The following PPHLN1 variants were observed in gnomAD, a reference collection of about 807,000 sequenced individuals.
PPHLN1 encodes the protein periphilin 1.
In PPHLN1, 29 loss-of-function variants were observed where a neutral mutation model predicts 51.3. The ratio of observed to expected loss-of-function variants is 0.57; its 90% CI spans 0.42 to 0.77. The LOEUF (loss-of-function observed/expected upper bound fraction) is 0.77. Among genes scored for constraint, PPHLN1 ranks in the 30% least tolerant of loss-of-function variants. The pLI, the probability that PPHLN1 is intolerant of heterozygous loss-of-function variation, is 0.00. For synonymous variants in PPHLN1, 147 were observed against 147.8 expected (o/e 0.99, Z 0.04); for missense variants, 436 against 438.4 (o/e 0.99, Z 0.05).
intron 5 of PPHLN1, among the ~76,000 whole-genome samples, chr12:42,378,416 C>A (rs186325939): frequency 7.9e-5 from 12 of 151,968 alleles, no homozygotes; most frequent in African/African-American, 2.9e-4. Context: ...TATTGCAGCA[C>A]CTGGCTTTTT....
chr12:42,441,043 C>CCTA (rs2082904603), intron 9 of PPHLN1, among the ~76,000 whole-genome samples: 1 of 152,184 alleles, frequency 6.6e-6, no homozygotes, highest in African/African-American at 2.4e-5. Context: ...GAGTAGACTG[C>CCTA]CTTACACTGA....
At chr12:42,405,070 A>C (rs575091359) in intron 9 of PPHLN1, among the ~76,000 whole-genome samples, 1 of 152,160 alleles carries the variant, frequency 6.6e-6, no homozygotes, top group East Asian at 1.9e-4. Flanking sequence ...ATTTTGGGGG[A>C]CTTTGTGATT....
intron 5 of PPHLN1, among the ~76,000 whole-genome samples, chr12:42,382,838 A>G (rs995128903): frequency 6.6e-6 from 1 of 152,218 alleles, no homozygotes; most frequent in Non-Finnish European, 1.5e-5. Flanking sequence ...TTAAAGTGCT[A>G]TAGTAGAGGA....
At chr12:42,428,054 G>A (rs2081653993) in intron 9 of PPHLN1, among the ~76,000 whole-genome samples, 1 of 152,124 alleles carries the variant, frequency 6.6e-6, no homozygotes, top group Non-Finnish European at 1.5e-5. Context: ...AAACCACAAT[G>A]CAGTACCACC....
intron 9 of PPHLN1, among the ~76,000 whole-genome samples, chr12:42,412,409 CA>C (rs1402522446): frequency 1.3e-5 from 2 of 149,140 alleles, no homozygotes; most frequent in African/African-American, 5.0e-5. Flanking sequence ...AGAATTGCTC[CA>C]AAAGATATTA....
At chr12:42,384,871 A>C (rs2077060644) in intron 5 of PPHLN1, 69 bp from the exon 6 acceptor site, 3 of 1,439,254 alleles carry the variant, frequency 2.1e-6, no homozygotes, top group Non-Finnish European at 2.9e-6. Flanking sequence ...CCTACTTCTG[A>C]GTTCTTCTCT....
intron 1 of PPHLN1, among the ~76,000 whole-genome samples, chr12:42,334,839 T>G (rs1189081515): frequency 6.6e-6 from 1 of 152,222 alleles, no homozygotes; most frequent in Non-Finnish European, 1.5e-5. Context: ...CTCCAGAAGT[T>G]GTGAAGCTAC....
At chr12:42,345,976 T>C (rs2072256862) in intron 2 of PPHLN1, among the ~76,000 whole-genome samples, 1 of 152,154 alleles carries the variant, frequency 6.6e-6, no homozygotes, top group Non-Finnish European at 1.5e-5. Flanking sequence ...CATGATGTTA[T>C]GGGATACATA....
chr12:42,406,780 T>G (rs1476783202), intron 9 of PPHLN1, among the ~76,000 whole-genome samples: 1 of 152,174 alleles, frequency 6.6e-6, no homozygotes, highest in Non-Finnish European at 1.5e-5. Flanking sequence ...TTTTCAATCT[T>G]TCCTATTGTT....
intron 9 of PPHLN1, among the ~76,000 whole-genome samples, chr12:42,403,448 G>A (rs1037580669): frequency 1.3e-5 from 2 of 152,210 alleles, no homozygotes; most frequent in Non-Finnish European, 2.9e-5. Context: ...TGCTGTTACT[G>A]CAGAAGCTTG....
chr12:42,351,718 A>C (rs1027278655), intron 2 of PPHLN1, among the ~76,000 whole-genome samples, 167 bp from the exon 3 acceptor site: 3 of 152,128 alleles, frequency 2.0e-5, no homozygotes, highest in Non-Finnish European at 4.4e-5. Context: ...CCTTTAATCC[A>C]TGTGAAGACC....
At chr12:42,402,852 T>C (rs779863383) in intron 9 of PPHLN1, among the ~76,000 whole-genome samples, 14 of 152,236 alleles carry the variant, frequency 9.2e-5, no homozygotes, top group Admixed American at 2.0e-4. Context: ...GTTGTAGCTG[T>C]GGCCATTTTC....
intron 3 of PPHLN1, among the ~76,000 whole-genome samples, chr12:42,354,674 A>G (rs1211276473): frequency 6.6e-6 from 1 of 152,198 alleles, no homozygotes; most frequent in Non-Finnish European, 1.5e-5. Flanking sequence ...TAGATTATCA[A>G]TAAGTGACAG....
intron 4 of PPHLN1, among the ~76,000 whole-genome samples, chr12:42,360,124 G>C (rs865827748): frequency 8.9e-6 from 1 of 112,154 alleles, no homozygotes; most frequent in Non-Finnish European, 1.8e-5. Context: ...AAAAAAAAAA[G>C]AAAAATTGCA....
At chr12:42,357,499 T>C (rs1405297334) in intron 4 of PPHLN1, among the ~76,000 whole-genome samples, 9 of 152,116 alleles carry the variant, frequency 5.9e-5, no homozygotes, top group Admixed American at 5.9e-4. Flanking sequence ...GCATTACAAA[T>C]CCAATGGAGA....
chr12:42,370,092 G>A (rs2075661664), intron 4 of PPHLN1, among the ~76,000 whole-genome samples: 1 of 152,152 alleles, frequency 6.6e-6, no homozygotes, highest in Non-Finnish European at 1.5e-5. Flanking sequence ...ACTTCTGAAC[G>A]GTTCACTTAC....
intron 6 of PPHLN1, 105 bp from the exon 7 acceptor site, chr12:42,387,351 G>A (rs2077276054): frequency 1.6e-6 from 2 of 1,212,728 alleles, no homozygotes; most frequent in East Asian, 2.6e-5. Flanking sequence ...AAAAGTTTTA[G>A]TACTAAAATA....
downstream of PPHLN1, chr12:42,442,784 A>C (rs1375975274): frequency 3.7e-6 from 6 of 1,611,226 alleles, no homozygotes; most frequent in Non-Finnish European, 5.1e-6. Flanking sequence ...GTTCAGGGGA[A>C]TTCTCAAGCT....
At chr12:42,366,423 T>G (rs1274974735) in intron 4 of PPHLN1, among the ~76,000 whole-genome samples, 1 of 152,144 alleles carries the variant, frequency 6.6e-6, no homozygotes, top group Non-Finnish European at 1.5e-5. Flanking sequence ...AGACGGGGTT[T>G]CACCATGTTG....
Sources: gnomAD v4.1 joint callset for allele counts (sites outside exome capture counted in the v4.1 genomes callset) on GRCh38, gnomAD v4.1.1 for gene constraint, MANE v1.5 for transcripts, NCBI Gene and HGNC (gene_info 2026-07-23, HGNC 2026-07-21) for gene names.